The following ANKRD34C variants were observed in gnomAD, a reference collection of about 807,000 sequenced individuals.
ANKRD34C encodes the protein ankyrin repeat domain-containing protein 34C.
For synonymous variants in ANKRD34C, 260 were observed against 253.6 expected (o/e 1.03, Z -0.24); for missense variants, 563 against 653.0 (o/e 0.86, Z 1.50).
At position 79,282,874 on chromosome 15, in the gene ANKRD34C, C is replaced by T. The variant is rs1293283948; in HGVS notation, c.-399C>T. On this transcript the variant is annotated 5_prime_UTR_variant, in exon 1 of 2. Coordinates refer to ENST00000421388, the MANE Select transcript of ANKRD34C (RefSeq NM_001146341.2). ...CGCAGCGCGGAACCGGGGGCGATTC[C>T]TATCTTTCTTTCATGCTTCTTTCTT... Among the ~76,000 whole-genome samples, 2 of 152,254 alleles carry T rather than the reference C, an allele frequency of 1.3e-5. No homozygotes were observed.
At chr15:79,290,188 CTTTT>C (rs11382951) in intron 1 of ANKRD34C, among the ~76,000 whole-genome samples, 1 of 108,808 alleles carries the variant, frequency 9.2e-6, no homozygotes. Context: ...TGACACCCAG[CTTTT>C]TTTTTTTTTT....
chr15:79,288,125 A>G (rs2058650012), intron 1 of ANKRD34C, among the ~76,000 whole-genome samples: 1 of 152,192 alleles, frequency 6.6e-6, no homozygotes, highest in Admixed American at 6.5e-5. Context: ...CAGTTCCCTC[A>G]TCTGTGAAAT....
At chr15:79,288,683 C>T (rs986492692) in intron 1 of ANKRD34C, among the ~76,000 whole-genome samples, 5 of 152,152 alleles carry the variant, frequency 3.3e-5, no homozygotes, top group African/African-American at 1.2e-4. Flanking sequence ...GTGTGTAACA[C>T]CCAGAGACAG....
chr15:79,289,284 G>A (rs1423992647), intron 1 of ANKRD34C, among the ~76,000 whole-genome samples: 1 of 152,126 alleles, frequency 6.6e-6, no homozygotes, highest in Non-Finnish European at 1.5e-5. Context: ...CAGATGGGAG[G>A]CCCACAGTAA....
Position 79,294,196 on chromosome 15 carries a change from C to A in ANKRD34C, c.912C>A (p.Ser304Arg). Residue 304 changes from serine (S) to arginine (R), a missense_variant, in exon 2 of 2, where the codon AGC becomes AGA. By Grantham distance (110) the Ser-to-Arg change is moderately radical. Transcript: ENST00000421388. Reference sequence around the variant, plus strand: ...TCTCCAGAACCAACAGTATCGATAGCAAAGACCCCACCCTCTTTCACACAG... The same window carrying A: ...TCTCCAGAACCAACAGTATCGATAGAAAAGACCCCACCCTCTTTCACACAG... ...GPLSRTNSID[S>R]KDPTLFHTVT... 3 of 1,551,548 alleles carry A rather than the reference C, an allele frequency of 1.9e-6. No individual in the cohort carries two copies. Among genetic ancestry groups the A allele is most frequent in the Non-Finnish European group, 2.6e-6 (3 of 1,146,932 alleles).
Position 79,295,092 on chromosome 15 carries a change from T to C in ANKRD34C, c.*200T>C. On this transcript the variant is annotated 3_prime_UTR_variant, in exon 2 of 2. Coordinates refer to ENST00000421388, the MANE Select transcript of ANKRD34C (RefSeq NM_001146341.2). ...GCTCAGGATAATTGGGTTTTGAAGA[T>C]AAATTTTTAAAAATTCTGCAAAGGA... 2 of 598,522 alleles carry C rather than the reference T, an allele frequency of 3.3e-6. No individual in the cohort carries two copies. Among genetic ancestry groups the C allele is most frequent in the East Asian group, 3.1e-5 (1 of 32,462 alleles). The allele number at this position is 598,522 out of a possible 1,614,324, so 37.1% of individuals were successfully genotyped here. A position where few individuals can be genotyped will look rare whatever the true frequency, so the allele number is the denominator to read the frequency against.
intron 1 of ANKRD34C, among the ~76,000 whole-genome samples, chr15:79,285,624 C>T (rs965615255): frequency 2.0e-5 from 3 of 152,186 alleles, no homozygotes; most frequent in African/African-American, 7.2e-5. Context: ...CATACACAAA[C>T]CCGCATCCCT....
At chr15:79,289,911 G>C (rs2058654975) in intron 1 of ANKRD34C, among the ~76,000 whole-genome samples, 1 of 152,120 alleles carries the variant, frequency 6.6e-6, no homozygotes, top group Non-Finnish European at 1.5e-5. Flanking sequence ...GTTTTTGTAT[G>C]TGTGTGTGTG....
chr15:79,291,601 C>CACAGAGAG, intron 1 of ANKRD34C, among the ~76,000 whole-genome samples: 1 of 83,998 alleles, frequency 1.2e-5, no homozygotes, highest in East Asian at 4.3e-4. Flanking sequence ...CACACACACA[C>CACAGAGAG]AGAGAGAGAG....
In ANKRD34C at chr15:79,293,283, A is replaced by G. The variant is rs756959547; in HGVS notation, c.-2A>G. 49 of 1,507,752 alleles carry G rather than the reference A, an allele frequency of 3.2e-5. No individual in the cohort carries two copies. Among genetic ancestry groups the G allele is most frequent in the Middle Eastern group, 3.5e-4 (2 of 5,756 alleles). The allele number at this position is 1,507,752 out of a possible 1,614,324, so 93.4% of individuals were successfully genotyped here. ...GCTCAGGTCCTCTAAACTGTAGCCA[A>G]TATGATGGATGATGACACTGAATTA... On this transcript the variant is annotated 5_prime_UTR_variant, in exon 2 of 2. Transcript: ENST00000421388.
chr15:79,287,705 C>T (rs935714956), intron 1 of ANKRD34C, among the ~76,000 whole-genome samples: 1 of 152,224 alleles, frequency 6.6e-6, no homozygotes, highest in Non-Finnish European at 1.5e-5. Flanking sequence ...CTAAGTCGTT[C>T]ATGGACTCCA....
chr15:79,293,957 G>C lies in ANKRD34C; in HGVS notation c.673G>C (p.Ala225Pro), dbSNP rs1209626280. The C allele has an allele frequency of 9.0e-6, 14 of 1,551,540 alleles. 1 individual carries two copies. Among genetic ancestry groups the C allele is most frequent in the African/African-American group, 5.5e-5 (4 of 73,018 alleles). ...TCCAAGCAGTTGTAACACCTCCAAG[G>C]CTGTTAATGAGCCTGGGTCACCCAC... ...GHPSSCNTSKAVNEPGSPTRK... is the reference protein window; with the variant it reads ...GHPSSCNTSKPVNEPGSPTRK... The change falls in exon 2 of 2, where the codon GCT becomes CCT. Residue 225 changes from alanine (A) to proline (P), a missense_variant. Coordinates refer to ENST00000421388, the MANE Select transcript of ANKRD34C (RefSeq NM_001146341.2).
At position 79,296,929 on chromosome 15, in the gene ANKRD34C, T is replaced by C. The variant is rs1006283004; in HGVS notation, c.*2037T>C. Reference sequence around the variant, plus strand: ...TGGACAGCTATGCCCTCCTGTTAACTTAAGACAATTCAAATTGTGCTTTAG... The same window carrying C: ...TGGACAGCTATGCCCTCCTGTTAACCTAAGACAATTCAAATTGTGCTTTAG... On this transcript the variant is annotated 3_prime_UTR_variant, in exon 2 of 2. Transcript: ENST00000421388. 1 of 165,890 alleles carries C rather than the reference T, an allele frequency of 6.0e-6. No individual in the cohort carries two copies. Among genetic ancestry groups the C allele is most frequent in the African/African-American group, 2.5e-5 (1 of 40,344 alleles). The allele number at this position is 165,890 out of a possible 1,614,324, so 10.3% of individuals were successfully genotyped here.
intron 1 of ANKRD34C, among the ~76,000 whole-genome samples, chr15:79,284,922 A>G (rs1488720961): frequency 3.9e-5 from 6 of 152,240 alleles, no homozygotes; most frequent in African/African-American, 9.6e-5. Context: ...GTTAAGCACT[A>G]AAGTGTATTT....
intron 1 of ANKRD34C, among the ~76,000 whole-genome samples, chr15:79,288,158 G>C (rs2058650110): frequency 6.6e-6 from 1 of 152,134 alleles, no homozygotes; most frequent in South Asian, 2.1e-4. Flanking sequence ...TTCCTGAAAG[G>C]GCATTTCATG....
At chr15:79,287,661 A>G (rs1434275220) in intron 1 of ANKRD34C, among the ~76,000 whole-genome samples, 1 of 152,270 alleles carries the variant, frequency 6.6e-6, no homozygotes, top group Non-Finnish European at 1.5e-5. Context: ...TCAAGCCACC[A>G]TAAACAAAAA....
rs1465331728 is a variant in ANKRD34C, at chr15:79,293,876, C to G, written c.592C>G (p.Leu198Val). Residue 198 changes from leucine to valine, a missense_variant, in exon 2 of 2, where the codon CTG becomes GTG. Transcript: ENST00000421388. ...TGACATAGAGCTGAAGGCTCTAGGC[C>G]TGGACTCTCCACTCACTGAGAAGGA... ...PSDIELKALGLDSPLTEKEDD... is the reference protein window; with the variant it reads ...PSDIELKALGVDSPLTEKEDD... 1.9e-6 allele frequency: 3 copies of G among 1,551,582 alleles called. No homozygotes were observed. The highest frequency in any genetic ancestry group is 2.6e-6 in the Non-Finnish European group (3 of 1,146,982).
Position 79,294,998 on chromosome 15 carries a change from ATATAAAAGCAGG to A in ANKRD34C, c.*107_*118del. On this transcript the variant is annotated 3_prime_UTR_variant, in exon 2 of 2. Coordinates refer to ENST00000421388, the MANE Select transcript of ANKRD34C (RefSeq NM_001146341.2). ...TGTTGAACTGTGGCCACTTCAGAAG[ATATAAAAGCAGG>A]ATGCTGCTTCACTTCTGAGAATAAT... The A allele has an allele frequency of 8.2e-7, 1 of 1,218,914 alleles. No individual in the cohort carries two copies. The highest frequency in any genetic ancestry group is 1.1e-6 in the Non-Finnish European group (1 of 896,140). 75.5% of individuals were successfully genotyped at this position (1,218,914 alleles called of 1,614,324 possible).
rs1338459197 is a variant in ANKRD34C at position 79,282,739 on chromosome 15, C to G, written c.-534C>G. Among the ~76,000 whole-genome samples, 2 of 152,208 alleles carry G rather than the reference C, an allele frequency of 1.3e-5. No individual in the cohort carries two copies. Among genetic ancestry groups the G allele is most frequent in the Admixed American group, 1.3e-4 (2 of 15,294 alleles). ...GCACACCCACACAACCCTCGCCCGTCGCGGCTGGAGAGCTGCTCTCGGCGC... is the reference window on the plus strand; with the variant it reads ...GCACACCCACACAACCCTCGCCCGTGGCGGCTGGAGAGCTGCTCTCGGCGC... On this transcript the variant is annotated 5_prime_UTR_variant, in exon 1 of 2. Transcript: ENST00000421388.
Sources: gnomAD v4.1 joint callset for allele counts (sites outside exome capture counted in the v4.1 genomes callset) on GRCh38, gnomAD v4.1.1 for gene constraint, MANE v1.5 for transcripts, NCBI Gene and HGNC (gene_info 2026-07-23, HGNC 2026-07-21) for gene names.